Variants in MAB21L4 observed in about 807,000 individuals in gnomAD.
MAB21L4 encodes protein mab-21-like 4.
A neutral mutation model predicts 32.4 loss-of-function variants in MAB21L4; 25 were observed. The observed-to-expected ratio is 0.77, with a 90% CI of 0.56 to 1.08. The LOEUF (loss-of-function observed/expected upper bound fraction) is 1.08, where lower values mean the gene tolerates loss of function less well. Ranked by LOEUF, MAB21L4 falls within the 50% of genes least tolerant of loss-of-function variation. The pLI is 0.00. For missense variants in MAB21L4, 638 were observed against 611.0 expected, an observed-to-expected ratio of 1.04 and a Z score of -0.47; for synonymous variants, 280 against 276.8, an observed-to-expected ratio of 1.01 and a Z score of -0.11.
rs2059092560 is a variant in MAB21L4 at position 240,886,133 on chromosome 2, T to A, written c.*937A>T. The A allele has an allele frequency of 6.5e-6, 1 of 153,698 alleles. No homozygotes were observed. Among genetic ancestry groups the A allele is most frequent in the East Asian group, 1.9e-4 (1 of 5,250 alleles). 9.5% of individuals were successfully genotyped at this position (153,698 alleles called of 1,614,324 possible). Reference sequence around the variant, plus strand: ...GGAGGCCTCAGGAAACTGACAATCATGGTGGAAGGTGAAGGAGAAGGAGGC... The same window carrying A: ...GGAGGCCTCAGGAAACTGACAATCAAGGTGGAAGGTGAAGGAGAAGGAGGC... On this transcript the variant is annotated 3_prime_UTR_variant, in exon 5 of 5. Transcript: ENST00000388934.
chr2:240,888,491 C>T lies in MAB21L4; in HGVS notation c.1052G>A (p.Ser351Asn). The T allele has an allele frequency of 6.2e-7, 1 of 1,604,152 alleles. No individual in the cohort carries two copies. Among genetic ancestry groups the T allele is most frequent in the Non-Finnish European group, 8.5e-7 (1 of 1,177,830 alleles). Reference protein sequence around the residue: ...LHPQRNLLQGSGLDLGAIYQR... With the variant: ...LHPQRNLLQGNGLDLGAIYQR... ...GTAGATGGCACCAAGGTCCAGGCCG[C>T]TGCCCTGCAGCAGGTTGCGCTGCGG... is the stretch of plus-strand genomic sequence containing the variant. Residue 351 changes from serine (S) to asparagine (N), a missense_variant, in exon 4 of 5, where the codon AGC (serine) becomes AAC (asparagine). Physicochemically the swap from Ser to Asn is conservative, Grantham distance 46. Transcript: ENST00000388934.
intron 1 of MAB21L4, 124 bp from the exon 2 acceptor site, chr2:240,891,887 G>C (rs2059154106): frequency 6.3e-7 from 1 of 1,575,796 alleles, no homozygotes; most frequent in South Asian, 1.2e-5. Flanking sequence ...AGCCCTCTCT[G>C]CTGGCCCCCA....
rs781561087 is a variant in MAB21L4 at position 240,895,491 on chromosome 2, G to A, written c.507C>T (p.Ile169=). Residue 169 remains isoleucine (I), a synonymous_variant, in exon 1 of 5, where the codon ATC becomes ATT. Coordinates refer to ENST00000388934, the MANE Select transcript of MAB21L4 (RefSeq NM_001085437.3). ...AIVHCKHHSL[I]APGSLNAASL... ...AGTGGGCTGTGCCTGTACCTGGTGC[G>A]ATGAGACTGTGGTGCTTGCAGTGTA... The A allele has an allele frequency of 2.3e-5, 36 of 1,556,592 alleles. No homozygotes were observed. The highest frequency in any genetic ancestry group is 2.8e-5 in the Non-Finnish European group (32 of 1,145,172).
At chr2:240,889,931 A>G in intron 3 of MAB21L4, 74 bp downstream of exon 3, 1 of 1,499,274 alleles carries the variant, frequency 6.7e-7, no homozygotes, top group South Asian at 1.3e-5. Context: ...CAGGGCTGGC[A>G]GGAGGGACAC....
chr2:240,891,493 C>T (rs576357538), intron 2 of MAB21L4, 45 bp downstream of exon 2: 2 of 1,517,016 alleles, frequency 1.3e-6, no homozygotes, highest in Non-Finnish European at 1.8e-6. Flanking sequence ...GTGGCCCCTT[C>T]CTGCCCCCTC....
At chr2:240,890,813 G>A (rs144561491) in intron 2 of MAB21L4, among the ~76,000 whole-genome samples, 1,774 of 152,346 alleles carry the variant, frequency 0.012, 21 homozygotes, top group Non-Finnish European at 0.018. Flanking sequence ...CCCCTTCCTT[G>A]GCAGGCGGGC....
chr2:240,896,653 C>A (rs1342145223), upstream of MAB21L4, among the ~76,000 whole-genome samples: 1 of 152,166 alleles, frequency 6.6e-6, no homozygotes, highest in Non-Finnish European at 1.5e-5. Context: ...CCTCAGACAC[C>A]TGTGCCCGGC....
At chr2:240,888,009 G>A (rs1261349278) in intron 4 of MAB21L4, among the ~76,000 whole-genome samples, 3 of 152,178 alleles carry the variant, frequency 2.0e-5, no homozygotes, top group African/African-American at 7.2e-5. Context: ...GTGTGAGCTG[G>A]GGGGCAATTC....
At chr2:240,893,565 G>A (rs2059167675) in intron 1 of MAB21L4, among the ~76,000 whole-genome samples, 1 of 152,204 alleles carries the variant, frequency 6.6e-6, no homozygotes, top group Non-Finnish European at 1.5e-5. Flanking sequence ...GCCCCGGGCT[G>A]GTCTCACCGG....
chr2:240,891,793 C>A, intron 1 of MAB21L4, 30 bp from the exon 2 acceptor site: 1 of 1,602,808 alleles, frequency 6.2e-7, no homozygotes. Context: ...GCCGGCCCCT[C>A]GACTTGCCTC....
chr2:240,891,713 G>T lies in MAB21L4; in HGVS notation c.565C>A (p.Leu189Met). The stretch of plus-strand genomic sequence containing the variant: ...ATTGTTCTCCAGCCGCTGGACACCA[G>T]CAAGGACAGGTGGAGCTGCTCCTCC... ...LREEQLHLSL[L>M]VSSGWRTISF... Residue 189 changes from leucine to methionine, a missense_variant, in exon 2 of 5, where the codon CTG becomes ATG. By Grantham distance (15) the Leu-to-Met change is conservative (BLOSUM62 2). Coordinates refer to ENST00000388934, the MANE Select transcript of MAB21L4 (RefSeq NM_001085437.3). 1 of 1,610,002 alleles carries T rather than the reference G, an allele frequency of 6.2e-7. No homozygotes were observed.
chr2:240,892,641 A>G (rs1057226076), intron 1 of MAB21L4, among the ~76,000 whole-genome samples: 2 of 152,268 alleles, frequency 1.3e-5, no homozygotes, highest in East Asian at 1.9e-4. Context: ...TGGGCTGCCC[A>G]GGCCAGCAGG....
chr2:240,891,653 G>C lies in MAB21L4; in HGVS notation c.625C>G (p.Leu209Val). ...ACCCCCTCCAGGGCAGGCGCCCCAA[G>C]CTTCCTTCTCACCACGGGCACCACG... ...FHVVPVVRRKLGAPALEGVQQ... is the reference protein window; with the variant it reads ...FHVVPVVRRKVGAPALEGVQQ... The change falls in exon 2 of 5, where the codon CTT becomes GTT. Residue 209 changes from leucine to valine, a missense_variant. Leu to Val is a conservative substitution (Grantham distance 32, BLOSUM62 1). Transcript: ENST00000388934. 2.5e-6 allele frequency: 4 copies of C among 1,609,098 alleles called. No individual in the cohort carries two copies. Among genetic ancestry groups the C allele is most frequent in the Non-Finnish European group, 3.4e-6 (4 of 1,179,968 alleles).
In MAB21L4 at chr2:240,886,754, G is replaced by C. The variant is rs566541368; in HGVS notation, c.*316C>G. The stretch of plus-strand genomic sequence containing the variant: ...AGGAATGGCATACAGTGCAGGCAGG[G>C]CCAAGTCCTCAGCTCCAGGTCTCCT... On this transcript the variant is annotated 3_prime_UTR_variant, in exon 5 of 5. Transcript: ENST00000388934. 1 of 376,340 alleles carries C rather than the reference G, an allele frequency of 2.7e-6. No individual in the cohort carries two copies. The highest frequency in any genetic ancestry group is 2.0e-5 in the African/African-American group (1 of 49,018). 23.3% of individuals were successfully genotyped at this position (376,340 alleles called of 1,614,324 possible). A position where few individuals can be genotyped will look rare whatever the true frequency, so the allele number is the denominator to read the frequency against.
In MAB21L4 at chr2:240,890,052, A is replaced by C. The variant is rs1162227836; in HGVS notation, c.847T>G (p.Trp283Gly). The stretch of plus-strand genomic sequence containing the variant: ...CCGTCAGTCTGGCCACTGTCACGCC[A>C]GCTCTCGTGGTTGACCCGGTCGAGG... ...SILDRVNHES[W>G]RDSGQTDGLT... The change falls in exon 3 of 5, where the codon TGG (tryptophan) becomes GGG (glycine). Residue 283 changes from tryptophan (W) to glycine (G), a missense_variant. Physicochemically the swap from Trp to Gly is radical, Grantham distance 184. Transcript: ENST00000388934. 6.2e-7 allele frequency: 1 copy of C among 1,613,386 alleles called. No individual in the cohort carries two copies. The highest frequency in any genetic ancestry group is 8.5e-7 in the Non-Finnish European group (1 of 1,179,614).
In MAB21L4 at chr2:240,886,048, TAATG is replaced by T. The variant is rs2059091666; in HGVS notation, c.*1018_*1021del. Reference sequence around the variant, plus strand: ...CTGTAGACAACTACCTGAGACTGGGTAATGAATAAAGAGGTTTAATTGACTCACA... The same window carrying T: ...CTGTAGACAACTACCTGAGACTGGGTAATAAAGAGGTTTAATTGACTCACA... On this transcript the variant is annotated 3_prime_UTR_variant, in exon 5 of 5. Transcript: ENST00000388934. 1 of 152,264 alleles carries T rather than the reference TAATG, an allele frequency of 6.6e-6. No individual in the cohort carries two copies. Among genetic ancestry groups the T allele is most frequent in the South Asian group, 2.1e-4 (1 of 4,848 alleles). 9.4% of individuals were successfully genotyped at this position (152,264 alleles called of 1,614,324 possible). A position where few individuals can be genotyped will look rare whatever the true frequency, so the allele number is the denominator to read the frequency against.
chr2:240,888,388 C>CG lies in MAB21L4; in HGVS notation c.1154dup (p.Pro386AlafsTer17), dbSNP rs751132181. On this transcript the variant is annotated frameshift_variant, in exon 4 of 5. Transcript: ENST00000388934. LOFTEE classifies it high-confidence loss of function. The stretch of plus-strand genomic sequence containing the variant: ...CCTTGAGCCCGGAGCCGATGCGCGG[C>CG]GGGGGGCTGCGGCCCAGGTGGGTGG... 8 of 1,556,076 alleles carry CG rather than the reference C, an allele frequency of 5.1e-6. No homozygotes were observed. Among genetic ancestry groups the CG allele is most frequent in the African/African-American group, 2.8e-5 (2 of 72,204 alleles).
At chr2:240,893,142 T>A (rs558682820) in intron 1 of MAB21L4, among the ~76,000 whole-genome samples, 1 of 152,318 alleles carries the variant, frequency 6.6e-6, no homozygotes, top group East Asian at 1.9e-4. Flanking sequence ...ATGCTGGCGT[T>A]TCCCCGAGGG....
In MAB21L4 at chr2:240,887,005, CCCATGGT is replaced by C. The variant is rs1299756269; in HGVS notation, c.*58_*64del. 1 of 1,257,524 alleles carries C rather than the reference CCCATGGT, an allele frequency of 8.0e-7. No homozygotes were observed. The highest frequency in any genetic ancestry group is 1.5e-5 in the African/African-American group (1 of 67,582). The allele number at this position is 1,257,524 out of a possible 1,614,324, so 77.9% of individuals were successfully genotyped here. On this transcript the variant is annotated 3_prime_UTR_variant, in exon 5 of 5. Transcript: ENST00000388934. ...CTTCTTCCAAACATCCCAGGAGCCT[CCCATGGT>C]GCAGTGCAGAGTCTGTTGGGGAGCC...
Sources: allele counts gnomAD v4.1 joint callset (sites outside exome capture counted in the v4.1 genomes callset), GRCh38; gene constraint gnomAD v4.1.1; transcripts MANE v1.5; gene names NCBI Gene and HGNC (gene_info 2026-07-23, HGNC 2026-07-21).